TMEM233: variants seen among roughly 807,000 people sequenced by gnomAD.
TMEM233 encodes the protein dispanin subfamily B member 2.
A neutral mutation model predicts 11.2 loss-of-function variants in TMEM233; 6 were observed. The ratio of observed to expected loss-of-function variants is 0.54; its 90% confidence interval spans 0.29 to 1.06. The LOEUF is 1.06. Among genes scored for constraint, TMEM233 ranks in the 50% least tolerant of loss-of-function variants. TMEM233 has a pLI of 0.08. For synonymous variants in TMEM233, 59 were observed against 55.8 expected, an observed-to-expected ratio of 1.06 and a Z score of -0.26; for missense variants, 127 against 144.7, an observed-to-expected ratio of 0.88 and a Z score of 0.63.
Position 119,594,141 on chromosome 12 carries a change from G to A in TMEM233, c.186+107G>A. On this transcript the variant is annotated intron_variant, in intron 1 of 2. Transcript: ENST00000426426. This position sits in a 1 kb window ranked among gnomAD's most constrained non-coding sequence, Gnocchi z 5.6. ...CTGCGGCTCCCTTCCTCACGGCCCG[G>A]CCCGCGCTAGGTGTTCTTTGTCCTC... 2.6e-6 allele frequency: 3 copies of A among 1,152,840 alleles called. No homozygotes were observed. The South Asian group carries it at 4.6e-5, about 18-fold the overall frequency. 71.4% of individuals were successfully genotyped at this position (1,152,840 alleles called of 1,614,324 possible).
At chr12:119,611,166 T>C (rs913344372) in intron 1 of TMEM233, among the ~76,000 whole-genome samples, 1 of 152,232 alleles carries the variant, frequency 6.6e-6, no homozygotes, top group South Asian at 2.1e-4. Context: ...TATGAACTTA[T>C]GTTTTCAATT....
At chr12:119,620,695 G>C (rs879359432) in intron 1 of TMEM233, among the ~76,000 whole-genome samples, 2 of 151,806 alleles carry the variant, frequency 1.3e-5, no homozygotes, top group Non-Finnish European at 2.9e-5. Flanking sequence ...CTTTCCCCAA[G>C]AATACAAGGA....
At position 119,619,919 on chromosome 12, in the gene TMEM233, A is replaced by G. The variant is rs186913698; in HGVS notation, c.187-9817A>G. Among the ~76,000 whole-genome samples, 3 of 152,320 alleles carry G rather than the reference A, an allele frequency of 2.0e-5. No individual in the cohort carries two copies. In the East Asian group the frequency reaches 5.8e-4, roughly 29 times the overall value. On this transcript the variant is annotated intron_variant, in intron 1 of 2. Coordinates refer to ENST00000426426, the MANE Select transcript of TMEM233 (RefSeq NM_001136534.3). Reference sequence around the variant, plus strand: ...GGTTCATAATATGTAAAAGTTTCCCACAGCTCAGTAAGAAAACACAAACCG... The same window carrying G: ...GGTTCATAATATGTAAAAGTTTCCCGCAGCTCAGTAAGAAAACACAAACCG...
chr12:119,644,068 G>A (rs1017233282), downstream of TMEM233, among the ~76,000 whole-genome samples: 9 of 152,236 alleles, frequency 5.9e-5, no homozygotes, highest in South Asian at 1.9e-3. Flanking sequence ...TAGCTCCAGG[G>A]GGGAAAAATG....
At chr12:119,640,224 G>T (rs893828424) in intron 2 of TMEM233, among the ~76,000 whole-genome samples, 6 of 152,028 alleles carry the variant, frequency 3.9e-5, no homozygotes, top group African/African-American at 1.5e-4. Flanking sequence ...GCACAATCTC[G>T]GCTCACTGCA....
At chr12:119,603,950 G>GC (rs1331113933) in intron 1 of TMEM233, among the ~76,000 whole-genome samples, 4 of 152,328 alleles carry the variant, frequency 2.6e-5, no homozygotes, top group South Asian at 4.1e-4. Context: ...TCAGGCAAAT[G>GC]CCAAGGGTCA....
At chr12:119,643,204 G>A (rs1448213148), downstream of TMEM233, 1 of 152,230 alleles carries the variant, frequency 6.6e-6, no homozygotes, top group Non-Finnish European at 1.5e-5. Flanking sequence ...TGGCGCTAGA[G>A]AGGCATCACT....
At chr12:119,609,164 A>G (rs1954343776) in intron 1 of TMEM233, among the ~76,000 whole-genome samples, 1 of 152,160 alleles carries the variant, frequency 6.6e-6, no homozygotes, top group South Asian at 2.1e-4. Context: ...TCAGATGGAG[A>G]TAAGGAACTT....
At chr12:119,622,158 C>G (rs1318070006) in intron 1 of TMEM233, among the ~76,000 whole-genome samples, 2 of 152,154 alleles carry the variant, frequency 1.3e-5, no homozygotes, top group Non-Finnish European at 2.9e-5. Flanking sequence ...TCTCTCCTGA[C>G]TATGATACAT....
At chr12:119,635,442 T>G (rs1414536663) in intron 2 of TMEM233, among the ~76,000 whole-genome samples, 1 of 152,228 alleles carries the variant, frequency 6.6e-6, no homozygotes. Context: ...TGTGGACATG[T>G]GCCAACAAAC....
intron 1 of TMEM233, among the ~76,000 whole-genome samples, chr12:119,620,758 G>A (rs1338253624): frequency 1.3e-5 from 2 of 152,136 alleles, no homozygotes; most frequent in Non-Finnish European, 2.9e-5. Context: ...AATCACGAAG[G>A]GGGAAAGGAA....
At chr12:119,622,520 C>T (rs991815041) in intron 1 of TMEM233, among the ~76,000 whole-genome samples, 3 of 152,140 alleles carry the variant, frequency 2.0e-5, no homozygotes, top group Non-Finnish European at 1.5e-5. Context: ...CTCTAAAATC[C>T]ATTTCCACCG....
At chr12:119,653,146 C>A in the TMEM233 span, among the ~76,000 whole-genome samples, 2 of 152,052 alleles carry the variant, frequency 1.3e-5, no homozygotes, top group African/African-American at 4.8e-5. Flanking sequence ...ATAATCCCAG[C>A]ACTTTGGGAG....
intron 2 of TMEM233, among the ~76,000 whole-genome samples, chr12:119,635,247 A>G (rs997441938): frequency 1.1e-4 from 17 of 152,200 alleles, no homozygotes; most frequent in African/African-American, 4.1e-4. Flanking sequence ...CTCAAAGCAC[A>G]AATCTCAGAG....
intron 1 of TMEM233, among the ~76,000 whole-genome samples, chr12:119,616,966 G>A (rs1478698183): frequency 6.6e-6 from 1 of 152,202 alleles, no homozygotes; most frequent in Non-Finnish European, 1.5e-5. Flanking sequence ...GGAACTGTGA[G>A]TCAATTAAAC....
chr12:119,613,058 C>T (rs1458712332), intron 1 of TMEM233, among the ~76,000 whole-genome samples: 3 of 151,522 alleles, frequency 2.0e-5, no homozygotes, highest in Admixed American at 1.3e-4. Context: ...TTTGCTGCAC[C>T]CATCAACTCA....
At chr12:119,628,440 C>T (rs1181578017) in intron 1 of TMEM233, among the ~76,000 whole-genome samples, 36 of 147,686 alleles carry the variant, frequency 2.4e-4, no homozygotes, top group Non-Finnish European at 7.4e-5. Context: ...GGATTACAGG[C>T]GTGAGCCAGC....
chr12:119,651,825 C>CAAAAAAAAAAAAAAAAAA, the TMEM233 span, among the ~76,000 whole-genome samples: 1 of 79,420 alleles, frequency 1.3e-5, no homozygotes, highest in Non-Finnish European at 2.2e-5. Flanking sequence ...GACTCCGTCT[C>CAAAAAAAAAAAAAAAAAA]AAAAAAAAAA....
intron 1 of TMEM233, among the ~76,000 whole-genome samples, chr12:119,612,549 C>T (rs564429294): frequency 2.0e-5 from 3 of 152,058 alleles, no homozygotes; most frequent in East Asian, 3.9e-4. Context: ...GAGATCAAGA[C>T]CATCCTGGCT....
Sources: gnomAD v4.1 joint callset for allele counts (sites outside exome capture counted in the v4.1 genomes callset) on GRCh38, gnomAD v4.1.1 for gene constraint, Gnocchi (gnomAD v3.1) non-coding constraint, MANE v1.5 for transcripts, NCBI Gene and HGNC (gene_info 2026-07-23, HGNC 2026-07-21) for gene names.